The following KDM5C variants were observed in gnomAD, a reference collection of about 807,000 sequenced individuals.
KDM5C encodes the protein lysine demethylase 5C, also known as lysine-specific demethylase 5C.
A neutral mutation model predicts 110.6 loss-of-function variants in KDM5C; 16 were observed. That is an observed-to-expected ratio of 0.14 (90% CI 0.10 to 0.22). The LOEUF (loss-of-function observed/expected upper bound fraction) is 0.22, where lower values mean the gene tolerates loss of function less well. Ranked by LOEUF, KDM5C falls within the 10% of genes least tolerant of loss-of-function variation. The probability of loss-of-function intolerance (pLI) is 1.00; values close to 1 mark genes in which losing one functional copy is unlikely to be tolerated. For missense variants in KDM5C, 681 were observed against 1,300.9 expected (o/e 0.52, Z 7.33); for synonymous variants, 511 against 520.4 (o/e 0.98, Z 0.24).
In KDM5C at chrX:53,202,067, G is replaced by C. The variant is rs192177376; in HGVS notation, c.1747-94C>G. On this transcript the variant is annotated intron_variant, in intron 12 of 25. Coordinates refer to ENST00000375401, the MANE Select transcript of KDM5C (RefSeq NM_004187.5). ...AAGGTAATTAAGGAGACAAAGAAAA[G>C]CCTCAGGGAACACAGTCTGACAACA... 1.7e-4 allele frequency: 177 copies of C among 1,054,172 alleles called. No individual in the cohort carries two copies. The African/African-American group carries it at 2.1e-3, about 13-fold the overall frequency. The allele number at this position is 1,054,172 out of a possible 1,213,427, so 86.9% of individuals were successfully genotyped here. A position where few individuals can be genotyped will look rare whatever the true frequency, so the allele number is the denominator to read the frequency against.
chrX:53,205,728 C>T (rs974485899), intron 12 of KDM5C, among the ~76,000 whole-genome samples: 1 of 112,348 alleles, frequency 8.9e-6, no homozygotes, highest in Non-Finnish European at 1.9e-5. Flanking sequence ...CTCTGTCCAG[C>T]ACTCAGCTAT....
chrX:53,217,356 A>G (rs1556852507), intron 4 of KDM5C, 79 bp from the exon 5 acceptor site: 10 of 1,123,314 alleles, frequency 8.9e-6, no homozygotes, highest in Non-Finnish European at 6.1e-6. Context: ...CCCTCACCCA[A>G]TGGCATCCAA....
Position 53,201,563 on chromosome X carries a change from G to A in KDM5C, c.2048C>T (p.Ala683Val), listed in dbSNP as rs1556841705. Reference sequence around the variant, plus strand: ...TACTCTCCCCACCTTCTCCAGCAGGGCCTTTCGTAGACGCCGCTCTTCTTG... The same window carrying A: ...TACTCTCCCCACCTTCTCCAGCAGGACCTTTCGTAGACGCCGCTCTTCTTG... ...MVQEERRLRK[A>V]LLEKGITEAE... Residue 683 changes from alanine to valine, a missense_variant, in exon 14 of 26, where the codon GCC (alanine) becomes GTC (valine). Physicochemically the swap from Ala to Val is moderately conservative, Grantham distance 64. This residue lies in a region of KDM5C where 42 missense variants were observed against 98.9 expected (regional missense o/e 0.42). Coordinates refer to ENST00000375401, the MANE Select transcript of KDM5C (RefSeq NM_004187.5). The A allele has an allele frequency of 1.7e-6, 2 of 1,211,091 alleles. No homozygotes were observed. The highest frequency in any genetic ancestry group is 2.2e-5 in the Admixed American group (1 of 46,016).
At chrX:53,207,482 C>T (rs2073379961) in intron 12 of KDM5C, among the ~76,000 whole-genome samples, 1 of 111,369 alleles carries the variant, frequency 9.0e-6, no homozygotes, top group African/African-American at 3.3e-5. Context: ...AGTTCTAGAC[C>T]AATAAACTTA....
rs376572303 is a variant in KDM5C, at chrX:53,194,587, G to A, written c.3590C>T (p.Ala1197Val). 1.2e-5 allele frequency: 15 copies of A among 1,210,218 alleles called. No individual in the cohort carries two copies. Among genetic ancestry groups the A allele is most frequent in the Admixed American group, 2.2e-5 (1 of 45,920 alleles). ...ICVCGQVLAG[A>V]GALQCDLCQD... is the part of the protein sequence containing the mutation. ...ACACAGGTCACACTGCAGAGCTCCC[G>A]CCCCAGCCAGCACCTGCCCACACAC... The change falls in exon 23 of 26, where the codon GCG becomes GTG. Residue 1197 changes from alanine (A) to valine (V), a missense_variant. Physicochemically the swap from Ala to Val is moderately conservative, Grantham distance 64. This residue lies in a region of KDM5C where 48 missense variants were observed against 59.7 expected (regional missense o/e 0.80). Coordinates refer to ENST00000375401, the MANE Select transcript of KDM5C (RefSeq NM_004187.5).
At chrX:53,193,385 G>A in intron 25 of KDM5C, 52 bp downstream of exon 25, 1 of 1,211,490 alleles carries the variant, frequency 8.3e-7, no homozygotes, top group East Asian at 3.0e-5. Flanking sequence ...GTCAGGCCTG[G>A]GCTCCCTACT....
In KDM5C at chrX:53,215,976, T is replaced by C. The variant is rs2073729627; in HGVS notation, c.782A>G (p.Asp261Gly). 8.3e-7 allele frequency: 1 copy of C among 1,211,962 alleles called. No homozygotes were observed. The highest frequency in any genetic ancestry group is 1.1e-6 in the Non-Finnish European group (1 of 895,486). The change falls in exon 7 of 26, where the codon GAT becomes GGT. Residue 261 changes from aspartate (D) to glycine (G), a missense_variant and splice_region_variant. Asp to Gly is a moderately conservative substitution (Grantham distance 94, BLOSUM62 -1). Transcript: ENST00000375401. The part of the protein sequence containing the change: ...MAKDKTLRKK[D>G]KEGPECPPTV... ...GGGGGGACACTCAGGCCCCTCCTTA[T>C]CTGGGAGAGAGAAAAATGGCTGTAA...
chrX:53,197,671 T>C, intron 18 of KDM5C, 100 bp downstream of exon 18: 1 of 657,797 alleles, frequency 1.5e-6, no homozygotes. Context: ...GTGTCCTGTC[T>C]TGCCTGAACA....
At position 53,201,984 on chromosome X, in the gene KDM5C, C is replaced by T. The variant is rs1556842332; in HGVS notation, c.1747-11G>A. On this transcript the variant is annotated splice_polypyrimidine_tract_variant and intron_variant, in intron 12 of 25. Transcript: ENST00000375401. The stretch of plus-strand genomic sequence containing the variant: ...GTTTGTGCGGACAACCTGAAGAACA[C>T]AAAAGGCCATGGCTGTTGAGATAGA... 5.0e-6 allele frequency: 6 copies of T among 1,209,935 alleles called. No homozygotes were observed. In the African/African-American group the frequency reaches 8.8e-5, roughly 18 times the overall value.
At chrX:53,223,658 C>G (rs1556855662) in intron 1 of KDM5C, among the ~76,000 whole-genome samples, 1 of 112,256 alleles carries the variant, frequency 8.9e-6, no homozygotes, top group African/African-American at 3.2e-5. Context: ...GCAGCTTGCC[C>G]TAGCCCTTGG....
chrX:53,201,737 G>A lies in KDM5C; in HGVS notation c.1874C>T (p.Ala625Val), dbSNP rs782430481. ...GTAGTGCTCAATGCACTGGCGCCCAGCAGGCAACTGTGGGCAGGTTCAAGG... is the reference window on the plus strand; with the variant it reads ...GTAGTGCTCAATGCACTGGCGCCCAACAGGCAACTGTGGGCAGGTTCAAGG... Reference protein sequence around the residue: ...VNFCTADWLPAGRQCIEHYRR... With the variant: ...VNFCTADWLPVGRQCIEHYRR... The change falls in exon 14 of 26, where the codon GCT (alanine) becomes GTT (valine). Residue 625 changes from alanine to valine, a missense_variant. Coordinates refer to ENST00000375401, the MANE Select transcript of KDM5C (RefSeq NM_004187.5). The A allele has an allele frequency of 8.3e-7, 1 of 1,211,775 alleles. No individual in the cohort carries two copies. Among genetic ancestry groups the A allele is most frequent in the Non-Finnish European group, 1.1e-6 (1 of 895,328 alleles).
At chrX:53,217,036 G>C in intron 5 of KDM5C, 107 bp downstream of exon 5, 1 of 962,203 alleles carries the variant, frequency 1.0e-6, no homozygotes. Flanking sequence ...GAAGAACTCA[G>C]AGAACAAAAG....
intron 14 of KDM5C, among the ~76,000 whole-genome samples, chrX:53,200,578 C>T (rs2073109453): frequency 9.0e-6 from 1 of 111,729 alleles, no homozygotes; most frequent in Non-Finnish European, 1.9e-5. Context: ...CAACAACTTA[C>T]ACCACGACTG....
chrX:53,220,946 G>C (rs1443586892), intron 1 of KDM5C, 30 bp from the exon 2 acceptor site: 8 of 1,136,896 alleles, frequency 7.0e-6, no homozygotes, highest in Non-Finnish European at 8.4e-6. Context: ...AAAGGGACTT[G>C]AGTTATCTCA....
At chrX:53,195,798 G>A in intron 20 of KDM5C, 118 bp downstream of exon 20, 1 of 765,744 alleles carries the variant, frequency 1.3e-6, no homozygotes, top group Non-Finnish European at 1.9e-6. Flanking sequence ...TACATGCCAT[G>A]CCCCCTTCCT....
rs76525703 is a variant in KDM5C at position 53,194,637 on chromosome X, C to T, written c.3540G>A (p.Thr1180=). The stretch of plus-strand genomic sequence containing the variant: ...CACAGATAGAGGTTGTAGAGGAGGC[C>T]GTGCTCGATGATGCCAGTGGACTGG... ...AKPSPLASSS[T]ASSTTSICVC... is the part of the protein sequence containing the mutation. The change falls in exon 23 of 26, where the codon ACG becomes ACA. Residue 1180 remains threonine, a synonymous_variant. Coordinates refer to ENST00000375401, the MANE Select transcript of KDM5C (RefSeq NM_004187.5). The T allele has an allele frequency of 5.8e-4, 697 of 1,210,404 alleles. 3 individuals are homozygous for T. In the African/African-American group the frequency reaches 9.7e-3, roughly 17 times the overall value.
chrX:53,224,717 C>A (rs782429219), intron 1 of KDM5C, 23 bp downstream of exon 1: 130 of 1,209,810 alleles, frequency 1.1e-4, no homozygotes, highest in Non-Finnish European at 1.4e-4. Context: ...TCGCCGCCGG[C>A]GAAAACCGGC....
chrX:53,214,538 C>G, intron 8 of KDM5C, 151 bp downstream of exon 8: 1 of 584,689 alleles, frequency 1.7e-6, no homozygotes, highest in Non-Finnish European at 2.7e-6. Context: ...GAATCTCCTG[C>G]TCCTTTCTCC....
rs1179564010 is a variant in KDM5C at position 53,211,519 on chromosome X, C to T, written c.1379G>A (p.Arg460Gln). The T allele has an allele frequency of 8.3e-7, 1 of 1,210,162 alleles. No individual in the cohort carries two copies. Among genetic ancestry groups the T allele is most frequent in the African/African-American group, 1.7e-5 (1 of 57,267 alleles). ...GSGFPVSDSK[R>Q]HLTPEEEEYA... is the part of the protein sequence containing the mutation. ...CACCTCCTCTTCGGGGGTTAGGTGC[C>T]GTTTACTGTCACTGACAGGGAAACC... is the stretch of plus-strand genomic sequence containing the variant. The change falls in exon 10 of 26, where the codon CGG becomes CAG. Residue 460 changes from arginine (R) to glutamine (Q), a missense_variant. Arg to Gln is a conservative substitution (Grantham distance 43). Transcript: ENST00000375401.
Sources: allele counts gnomAD v4.1 joint callset (sites outside exome capture counted in the v4.1 genomes callset), GRCh38; gene constraint gnomAD v4.1.1; regional missense constraint gnomAD v4.1.1; transcripts MANE v1.5; gene names NCBI Gene and HGNC (gene_info 2026-07-23, HGNC 2026-07-21).